The following XYLT1 variants were observed in gnomAD, a reference collection of about 807,000 sequenced individuals.
The protein encoded by XYLT1 is beta-D-xylosyltransferase 1.
A neutral mutation model predicts 91.3 loss-of-function variants in XYLT1; 36 were observed. That is an observed-to-expected ratio of 0.39 (90% CI 0.30 to 0.52). XYLT1 has a LOEUF of 0.52. XYLT1 is among the 20% of genes least tolerant of loss of function. The probability of loss-of-function intolerance (pLI) is 0.68; values close to 1 mark genes in which losing one functional copy is unlikely to be tolerated. For missense variants in XYLT1, 1,242 were observed against 1,284.5 expected (o/e 0.97, Z 0.51); for synonymous variants, 588 against 532.0 (o/e 1.11, Z -1.45).
intron 5 of XYLT1, among the ~76,000 whole-genome samples, chr16:17,191,224 C>G (rs1183983911): frequency 6.6e-6 from 1 of 152,198 alleles, no homozygotes; most frequent in African/African-American, 2.4e-5. Context: ...TAGAATAATG[C>G]TAGGAATGTA....
At chr16:17,352,568 T>C (rs781189581) in intron 2 of XYLT1, among the ~76,000 whole-genome samples, 5 of 152,180 alleles carry the variant, frequency 3.3e-5, no homozygotes, top group East Asian at 1.9e-4. Flanking sequence ...AACTCTGTCA[T>C]TGGGTCTTTT....
chr16:17,293,784 C>T (rs1301062647), intron 2 of XYLT1, among the ~76,000 whole-genome samples: 7 of 152,280 alleles, frequency 4.6e-5, no homozygotes, highest in East Asian at 1.9e-4. Flanking sequence ...CCACCACGCC[C>T]GGCCAGAATC....
At chr16:17,259,794 G>C (rs957940445) in intron 2 of XYLT1, among the ~76,000 whole-genome samples, 1 of 152,106 alleles carries the variant, frequency 6.6e-6, no homozygotes, top group East Asian at 1.9e-4. Flanking sequence ...TTCTTTCCTT[G>C]ACTGTCTTTG....
chr16:17,342,078 G>A (rs781396132), intron 2 of XYLT1, among the ~76,000 whole-genome samples: 1 of 152,162 alleles, frequency 6.6e-6, no homozygotes, highest in Non-Finnish European at 1.5e-5. Flanking sequence ...TTCCCAGTGT[G>A]GAGTGAAGCA....
chr16:17,204,957 G>A (rs1368422886), intron 3 of XYLT1, among the ~76,000 whole-genome samples: 2 of 118,492 alleles, frequency 1.7e-5, no homozygotes, highest in Non-Finnish European at 3.3e-5. Context: ...CCCAAACAGT[G>A]CCCAGCTCCA....
In XYLT1 at chr16:17,390,793, T is replaced by G. The variant is rs536895242; in HGVS notation, c.364-32743A>C. 3.9e-5 allele frequency among the ~76,000 whole-genome samples: 6 copies of G among 152,314 alleles called. No homozygotes were observed. In the South Asian group the frequency reaches 1.2e-3, roughly 32 times the overall value. On this transcript the variant is annotated intron_variant, in intron 1 of 11. Transcript: ENST00000261381. ...GCTCACGCCTGTAATCCCAACACTT[T>G]GGGAGCCTGAGATTGGTGGATTGCC...
In XYLT1 at chr16:17,164,794, G is replaced by A. The variant is rs8045223; in HGVS notation, c.1290-5885C>T. On this transcript the variant is annotated intron_variant, in intron 5 of 11. Transcript: ENST00000261381. ...ACACATTAAAAACATTAACGACCAC[G>A]TGTCTGTATACTTCTTAAATCAACT... 4.0e-4 allele frequency among the ~76,000 whole-genome samples: 61 copies of A among 152,194 alleles called. 1 individual carries two copies. The Middle Eastern group carries it at 0.02, about 51-fold the overall frequency.
chr16:17,198,078 T>A, intron 5 of XYLT1, 134 bp downstream of exon 5: 1 of 864,736 alleles, frequency 1.2e-6, no homozygotes, highest in South Asian at 1.7e-5. Context: ...GATTCTCAGG[T>A]CCAATCAGAA....
intron 1 of XYLT1, among the ~76,000 whole-genome samples, chr16:17,421,689 T>A (rs541448165): frequency 6.6e-6 from 1 of 152,266 alleles, no homozygotes; most frequent in South Asian, 2.1e-4. Context: ...AAGTGGATCC[T>A]CCAGCCCCAG....
Position 17,134,084 on chromosome 16 carries a change from C to T in XYLT1, c.2027+389G>A, listed in dbSNP as rs544433278. Among the ~76,000 whole-genome samples the T allele has an allele frequency of 1.6e-4, 24 of 152,218 alleles. No individual in the cohort carries two copies. In the South Asian group the frequency reaches 3.7e-3, roughly 24 times the overall value. Reference sequence around the variant, plus strand: ...GTTGGAAACTGCCGGGGCTGGGTGACGGGAACATGGGGTTCCACTGTTCTA... The same window carrying T: ...GTTGGAAACTGCCGGGGCTGGGTGATGGGAACATGGGGTTCCACTGTTCTA... On this transcript the variant is annotated intron_variant, in intron 9 of 11. Transcript: ENST00000261381.
At chr16:17,271,150 TTTTTGTTTG>T (rs1567350731) in intron 2 of XYLT1, among the ~76,000 whole-genome samples, 4 of 89,934 alleles carry the variant, frequency 4.4e-5, no homozygotes, top group African/African-American at 4.4e-4. Context: ...TCCTAACTGT[TTTTTGTTTG>T]TTTGTTTGTT....
At chr16:17,309,764 G>A (rs1299873761) in intron 2 of XYLT1, among the ~76,000 whole-genome samples, 3 of 152,146 alleles carry the variant, frequency 2.0e-5, no homozygotes, top group African/African-American at 7.2e-5. Context: ...TTTATTTTGC[G>A]AATGAGCCAT....
intron 2 of XYLT1, among the ~76,000 whole-genome samples, chr16:17,344,583 G>C (rs2035117895): frequency 6.6e-6 from 1 of 152,074 alleles, no homozygotes; most frequent in African/African-American, 2.4e-5. Flanking sequence ...GGGTAAACAA[G>C]GTTGCCCTGG....
intron 2 of XYLT1, among the ~76,000 whole-genome samples, chr16:17,265,069 T>C (rs1299331377): frequency 6.6e-6 from 1 of 152,134 alleles, no homozygotes; most frequent in African/African-American, 2.4e-5. Flanking sequence ...GCACCTGTAG[T>C]CCCAGCTACT....
At chr16:17,274,343 G>A (rs1017086294) in intron 2 of XYLT1, among the ~76,000 whole-genome samples, 5 of 152,194 alleles carry the variant, frequency 3.3e-5, no homozygotes, top group Non-Finnish European at 7.3e-5. Context: ...CTGGTTGGGT[G>A]AAAGGAATGT....
intron 8 of XYLT1, among the ~76,000 whole-genome samples, chr16:17,135,816 A>G (rs993603853): frequency 6.6e-6 from 1 of 152,234 alleles, no homozygotes; most frequent in Non-Finnish European, 1.5e-5. Flanking sequence ...AATAGCTTTG[A>G]AACCTTCAGC....
At chr16:17,460,207 C>T (rs1012601712) in intron 1 of XYLT1, among the ~76,000 whole-genome samples, 1 of 152,166 alleles carries the variant, frequency 6.6e-6, no homozygotes, top group Admixed American at 6.5e-5. Context: ...TCTCTAAAGA[C>T]TCCCAACTTC....
At chr16:17,470,378 TC>T in intron 1 of XYLT1, 55 bp downstream of exon 1, 1 of 1,212,848 alleles carries the variant, frequency 8.2e-7, no homozygotes. Context: ...GGGCGTGGGG[TC>T]GGGCTGCCTT....
chr16:17,123,639 T>G (rs1016024461), intron 10 of XYLT1, among the ~76,000 whole-genome samples: 2 of 152,242 alleles, frequency 1.3e-5, no homozygotes, highest in African/African-American at 4.8e-5. Context: ...GAACAGCATG[T>G]ATATTCTGCA....
Sources: gnomAD v4.1 joint callset for allele counts (sites outside exome capture counted in the v4.1 genomes callset) on GRCh38, gnomAD v4.1.1 for gene constraint, MANE v1.5 for transcripts, NCBI Gene and HGNC (gene_info 2026-07-23, HGNC 2026-07-21) for gene names.